IQGAP2: variants seen among roughly 807,000 people sequenced by gnomAD.
IQGAP2 encodes the protein IQ motif containing GTPase activating protein 2.
In IQGAP2, 173 loss-of-function variants were observed where a neutral mutation model predicts 201.3. The observed-to-expected ratio is 0.86, with a 90% CI of 0.76 to 0.98. The LOEUF (loss-of-function observed/expected upper bound fraction) is 0.98, where lower values mean the gene tolerates loss of function less well. Ranked by LOEUF, IQGAP2 falls within the 50% of genes least tolerant of loss-of-function variation. The pLI, the probability that IQGAP2 is intolerant of heterozygous loss-of-function variation, is 0.00. For missense variants in IQGAP2, 1,687 were observed against 1,864.8 expected (o/e 0.90, Z 1.76); for synonymous variants, 675 against 673.9 (o/e 1.00, Z -0.03).
rs1580745153 is a variant in IQGAP2, at chr5:76,658,766, A to T, written c.2529+99A>T. On this transcript the variant is annotated intron_variant, in intron 21 of 35. Coordinates refer to ENST00000274364, the MANE Select transcript of IQGAP2 (RefSeq NM_006633.5). Reference sequence around the variant, plus strand: ...GACAGGGATACATTCTCAGAAATGTAGCATTAGGTGATTTCATCCTGATGC... The same window carrying T: ...GACAGGGATACATTCTCAGAAATGTTGCATTAGGTGATTTCATCCTGATGC... 10 of 1,020,274 alleles carry T rather than the reference A, an allele frequency of 9.8e-6. No individual in the cohort carries two copies. In the East Asian group the frequency reaches 2.0e-4, roughly 20 times the overall value. The allele number at this position is 1,020,274 out of a possible 1,614,324, so 63.2% of individuals were successfully genotyped here.
chr5:76,697,828 A>G (rs544494795), intron 32 of IQGAP2, among the ~76,000 whole-genome samples, 159 bp from the exon 33 acceptor site: 15 of 152,154 alleles, frequency 9.9e-5, no homozygotes, highest in Non-Finnish European at 1.5e-4. Flanking sequence ...AGGGATGGGA[A>G]CCCTGTGGTG....
intron 2 of IQGAP2, among the ~76,000 whole-genome samples, chr5:76,534,032 C>G (rs925573657): frequency 6.6e-6 from 1 of 152,208 alleles, no homozygotes; most frequent in African/African-American, 2.4e-5. Context: ...GGCCATCCTT[C>G]TCCAGGGTTA....
chr5:76,417,214 G>A (rs905158090), intron 1 of IQGAP2, among the ~76,000 whole-genome samples: 1 of 152,178 alleles, frequency 6.6e-6, no homozygotes, highest in African/African-American at 2.4e-5. Flanking sequence ...TCTTATTAGT[G>A]TTGAAACGGG....
At chr5:76,677,578 C>T (rs1744931477) in intron 28 of IQGAP2, 1 of 341,858 alleles carries the variant, frequency 2.9e-6, no homozygotes, top group Admixed American at 4.8e-5. Flanking sequence ...GACTCCTAGA[C>T]ATTAATAAAA....
Position 76,466,247 on chromosome 5 carries a change from G to A in IQGAP2, c.146+4578G>A, listed in dbSNP as rs574236198. Among the ~76,000 whole-genome samples the A allele has an allele frequency of 1.1e-4, 16 of 152,238 alleles. No individual in the cohort carries two copies. In the South Asian group the frequency reaches 1.5e-3, roughly 14 times the overall value. ...ACCTAGCTACTCTGGAGGCTGAGGC[G>A]TGAAGATCACTCAGGAGGCTGAGGA... On this transcript the variant is annotated intron_variant, in intron 2 of 35. Coordinates refer to ENST00000274364, the MANE Select transcript of IQGAP2 (RefSeq NM_006633.5).
At chr5:76,590,067 C>G (rs572894493) in intron 7 of IQGAP2, among the ~76,000 whole-genome samples, 54 of 152,272 alleles carry the variant, frequency 3.5e-4, no homozygotes, top group African/African-American at 1.3e-3. Flanking sequence ...TTTCTTGGAA[C>G]CAACATGTTA....
At chr5:76,656,914 T>A (rs1249185587) in intron 20 of IQGAP2, among the ~76,000 whole-genome samples, 1 of 152,152 alleles carries the variant, frequency 6.6e-6, no homozygotes, top group Non-Finnish European at 1.5e-5. Flanking sequence ...AAAATAACTT[T>A]TCTAAGTTTG....
chr5:76,500,330 C>T (rs1226885408), intron 2 of IQGAP2, among the ~76,000 whole-genome samples: 1 of 152,134 alleles, frequency 6.6e-6, no homozygotes, highest in African/African-American at 2.4e-5. Flanking sequence ...ATGTTCTTCC[C>T]ATAGCTAGAC....
intron 1 of IQGAP2, among the ~76,000 whole-genome samples, chr5:76,427,015 G>A (rs1298310485): frequency 2.4e-5 from 3 of 125,688 alleles, no homozygotes; most frequent in African/African-American, 7.4e-5. Flanking sequence ...CACTGAGAGA[G>A]AAGAGAAAAT....
intron 5 of IQGAP2, among the ~76,000 whole-genome samples, chr5:76,579,440 TAAAAAAAAA>T (rs56658667): frequency 7.2e-6 from 1 of 138,870 alleles, no homozygotes. Flanking sequence ...TTTCTTTGTT[TAAAAAAAAA>T]AAAAAAAAAT....
intron 32 of IQGAP2, among the ~76,000 whole-genome samples, chr5:76,695,987 C>CCT (rs1746701029): frequency 6.6e-6 from 1 of 151,762 alleles, no homozygotes; most frequent in East Asian, 1.9e-4. Context: ...ACTACAGGCA[C>CCT]GCACCACCAC....
At chr5:76,597,146 C>T in intron 9 of IQGAP2, 1 of 331,170 alleles carries the variant, frequency 3.0e-6, no homozygotes, top group Non-Finnish European at 5.6e-6. Context: ...GAAATGAGAC[C>T]AGAGCTGGTC....
rs1203361579 is a variant in IQGAP2, at chr5:76,707,474, G to C, written c.*161G>C. 5.0e-6 allele frequency: 3 copies of C among 599,164 alleles called. No individual in the cohort carries two copies. The highest frequency in any genetic ancestry group is 2.9e-6 in the Non-Finnish European group (1 of 339,810). 37.1% of individuals were successfully genotyped at this position (599,164 alleles called of 1,614,324 possible). On this transcript the variant is annotated 3_prime_UTR_variant, in exon 36 of 36. Transcript: ENST00000274364. ...GAAGAATGTACCCAGGTGCCTTTTT[G>C]CTAATTTGATACTATAATAGAATGA...
chr5:76,488,883 C>T (rs900139091), intron 2 of IQGAP2, among the ~76,000 whole-genome samples: 1 of 152,150 alleles, frequency 6.6e-6, no homozygotes, highest in Admixed American at 6.5e-5. Context: ...AAATATCATA[C>T]CTTGAAAGGC....
chr5:76,535,052 C>A (rs906866990), intron 2 of IQGAP2, among the ~76,000 whole-genome samples: 4 of 152,098 alleles, frequency 2.6e-5, no homozygotes, highest in African/African-American at 4.8e-5. Context: ...AGGGACACAG[C>A]AGGTAGGGAG....
intron 2 of IQGAP2, among the ~76,000 whole-genome samples, chr5:76,522,475 G>A (rs142084989): frequency 6.6e-6 from 1 of 152,088 alleles, no homozygotes. Context: ...GAGCCACCGC[G>A]CCTGGCCATT....
chr5:76,427,048 G>A (rs977654939), intron 1 of IQGAP2, among the ~76,000 whole-genome samples: 13 of 152,036 alleles, frequency 8.6e-5, no homozygotes, highest in Non-Finnish European at 1.3e-4. Context: ...AATCCTGTAG[G>A]TCAGGGTTTC....
At chr5:76,673,338 C>A in intron 24 of IQGAP2, 111 bp from the exon 25 acceptor site, 1 of 1,064,942 alleles carries the variant, frequency 9.4e-7, no homozygotes, top group Non-Finnish European at 1.3e-6. Flanking sequence ...TTACTGGAGT[C>A]AGTGGCAAAG....
intron 29 of IQGAP2, 125 bp downstream of exon 29, chr5:76,683,342 T>G (rs1400053005): frequency 3.3e-6 from 2 of 604,504 alleles, no homozygotes; most frequent in African/African-American, 3.8e-5. Context: ...TTAAGCATAT[T>G]TAAAGAATAA....
Sources: gnomAD v4.1 joint callset for allele counts (sites outside exome capture counted in the v4.1 genomes callset) on GRCh38, gnomAD v4.1.1 for gene constraint, MANE v1.5 for transcripts, NCBI Gene and HGNC (gene_info 2026-07-23, HGNC 2026-07-21) for gene names.